The following ZNF536 variants were observed in gnomAD, a reference collection of about 807,000 sequenced individuals.
ZNF536 encodes the protein zinc finger protein 536.
Under a neutral mutation model 84.5 loss-of-function variants are expected in ZNF536, and 13 were observed. The observed-to-expected ratio is 0.15, with a 90% CI of 0.10 to 0.24. ZNF536 has a LOEUF of 0.24. Ranked by LOEUF, ZNF536 falls within the 10% of genes least tolerant of loss-of-function variation. ZNF536 has a pLI of 1.00. For missense variants in ZNF536, 1,536 were observed against 1,747.5 expected, an observed-to-expected ratio of 0.88 and a Z score of 2.16; for synonymous variants, 811 against 742.5, an observed-to-expected ratio of 1.09 and a Z score of -1.50.
At chr19:30,626,510 C>A (rs544241133) in intron 1 of ZNF536, among the ~76,000 whole-genome samples, 11 of 152,088 alleles carry the variant, frequency 7.2e-5, no homozygotes, top group African/African-American at 2.7e-4. Flanking sequence ...AAGACGGCAC[C>A]TCGAGGAGCT....
In ZNF536 at chr19:30,483,592, G is replaced by A. The variant is rs537746956; in HGVS notation, c.2170+37860G>A. Among the ~76,000 whole-genome samples the A allele has an allele frequency of 7.3e-5, 11 of 150,638 alleles. 1 individual carries two copies. The highest frequency in any genetic ancestry group is 4.0e-4 in the East Asian group (2 of 5,036). On this transcript the variant is annotated intron_variant, in intron 2 of 4. Coordinates refer to ENST00000355537, the MANE Select transcript of ZNF536 (RefSeq NM_014717.3). ...TTTCTGCTTCTTAAACAATTCTTGC[G>A]TTTGTCCCCTTGTCTGTCACAGATC... is the stretch of plus-strand genomic sequence containing the variant.
intron 1 of ZNF536, among the ~76,000 whole-genome samples, chr19:30,395,379 G>A (rs1000741094): frequency 6.6e-6 from 1 of 152,160 alleles, no homozygotes; most frequent in Non-Finnish European, 1.5e-5. Context: ...GGTTTGGGGT[G>A]GACCAGTTGC....
Position 30,574,642 on chromosome 19 carries a change from G to A in ZNF536, c.169+25128G>A, listed in dbSNP as rs376900124. Among the ~76,000 whole-genome samples, 327 of 152,312 alleles carry A rather than the reference G, an allele frequency of 2.1e-3. 1 individual carries two copies. Among genetic ancestry groups the A allele is most frequent in the Non-Finnish European group, 3.6e-3 (244 of 68,030 alleles). On this transcript the variant is annotated intron_variant, in intron 1 of 1. Transcript: ENST00000592773. ...CAGCATTCTTCTTACAGGGGAGCTTGCATGCTCACTTAGCTTGAAGCCCAT... is the reference window on the plus strand; with the variant it reads ...CAGCATTCTTCTTACAGGGGAGCTTACATGCTCACTTAGCTTGAAGCCCAT...
chr19:30,280,849 CT>C (rs1054692945), intron 1 of ZNF536, among the ~76,000 whole-genome samples: 2 of 152,176 alleles, frequency 1.3e-5, no homozygotes, highest in African/African-American at 4.8e-5. Context: ...AGGAGGGTGC[CT>C]CATCCCCTGT....
intron 1 of ZNF536, among the ~76,000 whole-genome samples, chr19:30,617,466 T>A (rs1315010538): frequency 6.8e-6 from 1 of 146,636 alleles, no homozygotes; most frequent in Non-Finnish European, 1.5e-5. Context: ...TTCTCCTGCC[T>A]CAGCCTCCCA....
intron 1 of ZNF536, among the ~76,000 whole-genome samples, chr19:30,614,537 A>G (rs1041806659): frequency 6.6e-6 from 1 of 151,998 alleles, no homozygotes; most frequent in African/African-American, 2.4e-5. Context: ...AAAGATGGAA[A>G]CCTTTGCCCA....
Position 30,557,182 on chromosome 19 carries a change from G to A in ZNF536, c.*18G>A, listed in dbSNP as rs368007455. 19 of 1,613,100 alleles carry A rather than the reference G, an allele frequency of 1.2e-5. No homozygotes were observed. Among genetic ancestry groups the A allele is most frequent in the African/African-American group, 1.1e-4 (8 of 74,944 alleles). ...GTAAGTGACACTCCCTGTCCTAGTC[G>A]GTCTATCTGGACTTGCCCTTGTCTG... On this transcript the variant is annotated 3_prime_UTR_variant, in exon 5 of 5. Transcript: ENST00000355537.
chr19:30,696,163 T>A (rs1468361470), intron 1 of ZNF536, among the ~76,000 whole-genome samples: 3 of 152,214 alleles, frequency 2.0e-5, no homozygotes, highest in Non-Finnish European at 2.9e-5. Flanking sequence ...TGAAAAGTGG[T>A]CAGCTTGGTT....
chr19:30,363,516 C>T (rs916055699), intron 3 of ZNF536, among the ~76,000 whole-genome samples: 4 of 152,064 alleles, frequency 2.6e-5, no homozygotes, highest in Non-Finnish European at 5.9e-5. Context: ...TACCCGGAAC[C>T]ACCATCCTAG....
At chr19:30,684,015 A>G (rs975366868) in intron 1 of ZNF536, among the ~76,000 whole-genome samples, 5 of 152,168 alleles carry the variant, frequency 3.3e-5, no homozygotes, top group Admixed American at 1.3e-4. Context: ...TTTCTCCAAG[A>G]ATATCTCTCT....
At chr19:30,603,254 C>T (rs1568594062) in intron 1 of ZNF536, among the ~76,000 whole-genome samples, 1 of 152,014 alleles carries the variant, frequency 6.6e-6, no homozygotes, top group Non-Finnish European at 1.5e-5. Context: ...AGAGTAGAGG[C>T]CTTAAGAGAC....
At chr19:30,591,101 A>G (rs966502970) in intron 1 of ZNF536, among the ~76,000 whole-genome samples, 1 of 152,240 alleles carries the variant, frequency 6.6e-6, no homozygotes, top group Non-Finnish European at 1.5e-5. Flanking sequence ...GATGAAGACA[A>G]ATGCCACCCA....
chr19:30,709,310 G>T (rs1171494833), intron 1 of ZNF536, among the ~76,000 whole-genome samples: 4 of 151,910 alleles, frequency 2.6e-5, no homozygotes, highest in African/African-American at 9.7e-5. Flanking sequence ...CTTTCTCCTG[G>T]TCCCGACAAC....
chr19:30,437,519 A>G (rs1472507314), intron 1 of ZNF536, among the ~76,000 whole-genome samples: 1 of 151,992 alleles, frequency 6.6e-6, no homozygotes, highest in Non-Finnish European at 1.5e-5. Context: ...AAAACCTGTA[A>G]TGTTTGGAAG....
chr19:30,401,689 T>C (rs1241489697), intron 1 of ZNF536, among the ~76,000 whole-genome samples: 1 of 152,262 alleles, frequency 6.6e-6, no homozygotes, highest in African/African-American at 2.4e-5. Context: ...AAATATGTTT[T>C]TCTATTTCTA....
chr19:30,636,828 G>T (rs1385900747), intron 1 of ZNF536, among the ~76,000 whole-genome samples: 1 of 152,168 alleles, frequency 6.6e-6, no homozygotes, highest in Non-Finnish European at 1.5e-5. Context: ...GGCAGGCCGT[G>T]TCTTCTCTGG....
Position 30,445,684 on chromosome 19 carries a change from G to C in ZNF536, c.2122G>C (p.Gly708Arg), listed in dbSNP as rs535991582. ...GGTCGGAGGCGGCCTCTCCCAGACC[G>C]GGAGTGCCCAGGAGGACAGCCCGCA... ...SGVGGGLSQTGSAQEDSPHPS... is the reference protein window; with the variant it reads ...SGVGGGLSQTRSAQEDSPHPS... The change falls in exon 2 of 5, where the codon GGG becomes CGG. Residue 708 changes from glycine to arginine, a missense_variant. Coordinates refer to ENST00000355537, the MANE Select transcript of ZNF536 (RefSeq NM_014717.3). This position sits in a 1 kb window ranked among gnomAD's most constrained non-coding sequence, Gnocchi z 4.5. 6.2e-7 allele frequency: 1 copy of C among 1,601,516 alleles called. No individual in the cohort carries two copies. Among genetic ancestry groups the C allele is most frequent in the Non-Finnish European group, 8.5e-7 (1 of 1,173,380 alleles).
rs77450751 is a variant in ZNF536 at position 30,610,852 on chromosome 19, A to C, written c.169+61338A>C. On this transcript the variant is annotated intron_variant, in intron 1 of 1. Transcript: ENST00000592773. ...AGCCATGAGAAGGAATAGCATGCCC[A>C]TGTTCATGCATTCTTCAGAAATTTA... 5.1e-3 allele frequency among the ~76,000 whole-genome samples: 780 copies of C among 152,272 alleles called. 10 individuals are homozygous for C. Among genetic ancestry groups the C allele is most frequent in the African/African-American group, 0.017 (725 of 41,552 alleles).
At chr19:30,628,989 C>T (rs1440876392) in intron 1 of ZNF536, among the ~76,000 whole-genome samples, 2 of 152,158 alleles carry the variant, frequency 1.3e-5, no homozygotes, top group African/African-American at 4.8e-5. Flanking sequence ...AGGCATGGGC[C>T]ACTGCGCCTG....
Sources: gnomAD v4.1 joint callset for allele counts (sites outside exome capture counted in the v4.1 genomes callset) on GRCh38, gnomAD v4.1.1 for gene constraint, Gnocchi (gnomAD v3.1) non-coding constraint, MANE v1.5 for transcripts, NCBI Gene and HGNC (gene_info 2026-07-23, HGNC 2026-07-21) for gene names.